Variants in APOO observed in about 807,000 individuals in gnomAD.
APOO encodes apolipoprotein O.
A neutral mutation model predicts 23.1 loss-of-function variants in APOO; 11 were observed. That is an observed-to-expected ratio of 0.48 (90% CI 0.30 to 0.79). APOO has a LOEUF of 0.79. APOO is among the 30% of genes least tolerant of loss of function. The pLI, the probability that APOO is intolerant of heterozygous loss-of-function variation, is 0.07. For synonymous variants in APOO, 59 were observed against 54.8 expected (o/e 1.08, Z -0.34); for missense variants, 160 against 142.7 (o/e 1.12, Z -0.62).
intron 1 of APOO, among the ~76,000 whole-genome samples, chrX:23,896,795 C>T (rs1431937819): frequency 1.2e-5 from 1 of 83,871 alleles, no homozygotes; most frequent in Non-Finnish European, 2.3e-5. Context: ...TGACGGAGCA[C>T]ACTCAGCTAT....
At chrX:23,866,662 G>A (rs1387218752) in intron 5 of APOO, among the ~76,000 whole-genome samples, 8 of 110,902 alleles carry the variant, frequency 7.2e-5, no homozygotes, top group Non-Finnish European at 1.9e-5. Context: ...GGTGGCAGGC[G>A]CCTGTAATCC....
At chrX:23,882,505 G>C (rs1926192945) in intron 1 of APOO, among the ~76,000 whole-genome samples, 1 of 111,564 alleles carries the variant, frequency 9.0e-6, no homozygotes, top group Admixed American at 9.6e-5. Context: ...TGTCTCATTT[G>C]AGCAGGAAAT....
intron 1 of APOO, among the ~76,000 whole-genome samples, chrX:23,885,137 G>T (rs1289131904): frequency 9.1e-6 from 1 of 109,564 alleles, no homozygotes; most frequent in African/African-American, 3.3e-5. Context: ...GGTGGCTCAC[G>T]TCTGTAATCC....
intron 1 of APOO, among the ~76,000 whole-genome samples, chrX:23,903,587 A>C (rs997619023): frequency 5.4e-5 from 6 of 111,894 alleles, no homozygotes; most frequent in Admixed American, 4.8e-4. Flanking sequence ...CCAAAAAGTA[A>C]ATCAGTATAC....
At chrX:23,844,660 CT>C (rs1210198901) in intron 7 of APOO, among the ~76,000 whole-genome samples, 3 of 111,648 alleles carry the variant, frequency 2.7e-5, no homozygotes, top group Non-Finnish European at 1.9e-5. Context: ...AAATTCCCCC[CT>C]AGGGCCTCTA....
At chrX:23,852,578 C>T (rs897538513) in intron 7 of APOO, among the ~76,000 whole-genome samples, 23 of 105,587 alleles carry the variant, frequency 2.2e-4, no homozygotes, top group Non-Finnish European at 3.9e-4. Flanking sequence ...CGTGCCACTG[C>T]GCTCCAGCCT....
intron 3 of APOO, 105 bp from the exon 4 acceptor site, chrX:23,874,562 T>C: frequency 2.9e-6 from 2 of 695,871 alleles, no homozygotes; most frequent in South Asian, 4.9e-5. Context: ...TATCATGTTA[T>C]TAACGCTTTT....
At position 23,871,252 on chromosome X, in the gene APOO, ACTC is replaced by A. The variant is rs1379921510; in HGVS notation, c.293-2567_293-2565del. 1.8e-4 allele frequency among the ~76,000 whole-genome samples: 19 copies of A among 104,745 alleles called. No individual in the cohort carries two copies. The South Asian group carries it at 7.6e-3, about 42-fold the overall frequency. The allele number at this position is 104,745 out of a possible 115,157, so 91.0% of individuals were successfully genotyped here. A position where few individuals can be genotyped will look rare whatever the true frequency, so the allele number is the denominator to read the frequency against. ...GTGGCAGGCGCCTGTAGTCCCAGCT[ACTC>A]GGGAGGCTGAGGCAGGAGAATGGCG... On this transcript the variant is annotated intron_variant, in intron 4 of 8. Transcript: ENST00000379226.
intron 1 of APOO, among the ~76,000 whole-genome samples, chrX:23,894,723 G>A (rs1926822644): frequency 9.1e-6 from 1 of 109,776 alleles, no homozygotes; most frequent in Admixed American, 9.8e-5. Flanking sequence ...TTGAACCCTG[G>A]AGGCGGAGGT....
chrX:23,864,567 G>A (rs1450677540), intron 5 of APOO, among the ~76,000 whole-genome samples: 1 of 111,905 alleles, frequency 8.9e-6, no homozygotes, highest in Non-Finnish European at 1.9e-5. Flanking sequence ...CTTCTGAAGT[G>A]CTGGGATTAC....
At chrX:23,881,674 C>T (rs1301932551) in intron 1 of APOO, among the ~76,000 whole-genome samples, 2 of 103,717 alleles carry the variant, frequency 1.9e-5, no homozygotes, top group Admixed American at 1.1e-4. Context: ...GTGGCTCACG[C>T]CTGTAATCCC....
intron 7 of APOO, among the ~76,000 whole-genome samples, chrX:23,843,387 C>T: frequency 9.0e-6 from 1 of 110,868 alleles, no homozygotes; most frequent in Non-Finnish European, 1.9e-5. Flanking sequence ...TGGCAGAGAA[C>T]TCCAGGATCT....
At chrX:23,844,452 C>T (rs1467236266) in intron 7 of APOO, among the ~76,000 whole-genome samples, 1 of 110,840 alleles carries the variant, frequency 9.0e-6, no homozygotes, top group Non-Finnish European at 1.9e-5. Context: ...TCTGGGTGGG[C>T]TTGATTCAAG....
rs906164944 is a variant in APOO at position 23,894,265 on chromosome X, C to T, written c.10-13313G>A. On this transcript the variant is annotated intron_variant, in intron 1 of 8. Transcript: ENST00000379226. ...GTTTAAGCGATTCTCCTACCTCAGCCTCCCAAGTAGCTGGGATTACAGGCC... is the reference window on the plus strand; with the variant it reads ...GTTTAAGCGATTCTCCTACCTCAGCTTCCCAAGTAGCTGGGATTACAGGCC... Among the ~76,000 whole-genome samples the T allele has an allele frequency of 6.4e-5, 7 of 109,427 alleles. No individual in the cohort carries two copies. In the East Asian group the frequency reaches 1.8e-3, roughly 27 times the overall value.
chrX:23,848,492 A>C (rs928442538), intron 7 of APOO, among the ~76,000 whole-genome samples: 2 of 111,620 alleles, frequency 1.8e-5, no homozygotes, highest in Non-Finnish European at 3.8e-5. Context: ...CTAACAGGTG[A>C]TCTTCTGAGG....
In APOO at chrX:23,875,884, G is replaced by C. The variant is rs1289377663; in HGVS notation, c.238-1427C>G. Among the ~76,000 whole-genome samples, 3 of 110,686 alleles carry C rather than the reference G, an allele frequency of 2.7e-5. No homozygotes were observed. In the Admixed American group the frequency reaches 2.9e-4, roughly 11 times the overall value. On this transcript the variant is annotated intron_variant, in intron 3 of 8. Coordinates refer to ENST00000379226, the MANE Select transcript of APOO (RefSeq NM_024122.5). ...TCACGCCTGTAATCCCAACACTTTG[G>C]GAGGCTAAGACAGGAGTATCTCGTG... is the stretch of plus-strand genomic sequence containing the variant.
intron 4 of APOO, among the ~76,000 whole-genome samples, chrX:23,871,452 A>G (rs1375924738): frequency 1.8e-5 from 2 of 110,831 alleles, no homozygotes; most frequent in African/African-American, 6.6e-5. Context: ...CTCCTTCTCA[A>G]TCTCATCTTC....
At chrX:23,884,986 C>T (rs1417001661) in intron 1 of APOO, among the ~76,000 whole-genome samples, 2 of 111,642 alleles carry the variant, frequency 1.8e-5, no homozygotes, top group South Asian at 3.7e-4. Context: ...AGTAGGCAAA[C>T]TTAGAAACTG....
At chrX:23,880,052 TTTC>T (rs1405945978) in intron 2 of APOO, among the ~76,000 whole-genome samples, 1 of 106,582 alleles carries the variant, frequency 9.4e-6, no homozygotes. Flanking sequence ...AGAGAGAAGA[TTTC>T]TTGTTTTTTT....
Sources: gnomAD v4.1 joint callset for allele counts (sites outside exome capture counted in the v4.1 genomes callset) on GRCh38, gnomAD v4.1.1 for gene constraint, MANE v1.5 for transcripts, NCBI Gene and HGNC (gene_info 2026-07-23, HGNC 2026-07-21) for gene names.